TBL1XR1: variants seen among roughly 807,000 people sequenced by gnomAD.
TBL1XR1 encodes the protein F-box-like/WD repeat-containing protein TBL1XR1.
In TBL1XR1, 5 loss-of-function variants were observed where a neutral mutation model predicts 66.9. That is an observed-to-expected ratio of 0.07 (90% CI 0.04 to 0.16). The LOEUF (loss-of-function observed/expected upper bound fraction) is 0.16. Among genes scored for constraint, TBL1XR1 ranks in the 10% least tolerant of loss-of-function variants. TBL1XR1 has a pLI of 1.00. For missense variants in TBL1XR1, 238 were observed against 623.2 expected (o/e 0.38, Z 6.58); for synonymous variants, 210 against 206.0 (o/e 1.02, Z -0.17).
Position 177,138,992 on chromosome 3 carries a change from T to TACATACTGCA in TBL1XR1, c.-121-40461_-121-40452dup, listed in dbSNP as rs1206666398. Among the ~76,000 whole-genome samples the TACATACTGCA allele has an allele frequency of 2.0e-5, 3 of 152,016 alleles. No individual in the cohort carries two copies. In the East Asian group the frequency reaches 5.8e-4, roughly 29 times the overall value. ...AAGCCTCATAGAAAAAGAACCAATA[T>TACATACTGCA]ACATACTGCAACAGAAACATACTTT... is the stretch of plus-strand genomic sequence containing the variant. On this transcript the variant is annotated intron_variant, in intron 1 of 15. Coordinates refer to ENST00000457928, the MANE Select transcript of TBL1XR1 (RefSeq NM_024665.7).
intron 2 of TBL1XR1, among the ~76,000 whole-genome samples, chr3:177,084,526 C>A (rs1406550712): frequency 6.6e-6 from 1 of 152,234 alleles, no homozygotes; most frequent in African/African-American, 2.4e-5. Context: ...TTCCATTGTA[C>A]ACATACAGCA....
intron 1 of TBL1XR1, among the ~76,000 whole-genome samples, chr3:177,165,603 G>A (rs1560251018): frequency 6.6e-6 from 1 of 152,180 alleles, no homozygotes; most frequent in Admixed American, 6.5e-5. Flanking sequence ...TATGGTATTA[G>A]TGAAAGAACA....
chr3:177,134,518 A>T (rs1279505240), intron 1 of TBL1XR1, among the ~76,000 whole-genome samples: 1 of 152,234 alleles, frequency 6.6e-6, no homozygotes, highest in African/African-American at 2.4e-5. Flanking sequence ...GAAGCCAGAA[A>T]GTGAAAACAA....
At chr3:177,184,279 G>A (rs1735156203) in intron 1 of TBL1XR1, among the ~76,000 whole-genome samples, 1 of 152,136 alleles carries the variant, frequency 6.6e-6, no homozygotes, top group African/African-American at 2.4e-5. Context: ...TGTAAGTCAT[G>A]ACAGGATCGG....
At chr3:177,173,257 ATTTTCCATGC>A (rs1733775634) in intron 1 of TBL1XR1, among the ~76,000 whole-genome samples, 1 of 152,102 alleles carries the variant, frequency 6.6e-6, no homozygotes, top group East Asian at 1.9e-4. Flanking sequence ...ATGTCCACAA[ATTTTCCATGC>A]TTTTCCCTCT....
intron 2 of TBL1XR1, among the ~76,000 whole-genome samples, chr3:177,074,538 T>A (rs1720444416): frequency 6.6e-6 from 1 of 152,106 alleles, no homozygotes; most frequent in African/African-American, 2.4e-5. Flanking sequence ...ATTTCACTAA[T>A]TAACCTCTCT....
Position 177,170,045 on chromosome 3 carries a change from T to C in TBL1XR1, c.-122+27076A>G, listed in dbSNP as rs77970071. 6.8e-3 allele frequency among the ~76,000 whole-genome samples: 1,037 copies of C among 152,210 alleles called. 8 individuals carry two copies. Among genetic ancestry groups the C allele is most frequent in the Non-Finnish European group, 0.011 (758 of 68,008 alleles). On this transcript the variant is annotated intron_variant, in intron 1 of 15. Coordinates refer to ENST00000457928, the MANE Select transcript of TBL1XR1 (RefSeq NM_024665.7). ...TCCAGGTGATTCTGATGCACACAAA[T>C]CTGAGAACCACTATTCCACTGTTCC...
intron 12 of TBL1XR1, among the ~76,000 whole-genome samples, chr3:177,035,691 G>A (rs1447567035): frequency 1.3e-5 from 2 of 152,122 alleles, no homozygotes; most frequent in African/African-American, 4.8e-5. Flanking sequence ...TTTAATTATA[G>A]GCATGAGCTG....
chr3:177,072,881 T>C lies in TBL1XR1; in HGVS notation c.-45-7859A>G, dbSNP rs151115207. Among the ~76,000 whole-genome samples, 401 of 152,218 alleles carry C rather than the reference T, an allele frequency of 2.6e-3. 3 individuals carry two copies. The highest frequency in any genetic ancestry group is 9.2e-3 in the African/African-American group (383 of 41,546). On this transcript the variant is annotated intron_variant, in intron 2 of 15. Coordinates refer to ENST00000457928, the MANE Select transcript of TBL1XR1 (RefSeq NM_024665.7). ...GAGTTCGAGACCAGCCTGGCCAACA[T>C]GGCGAAACCCTGTCTCTATTAAAAA...
intron 2 of TBL1XR1, among the ~76,000 whole-genome samples, chr3:177,068,506 A>G (rs1330474661): frequency 6.6e-6 from 1 of 152,248 alleles, no homozygotes; most frequent in Non-Finnish European, 1.5e-5. Flanking sequence ...TTCAGCAAAT[A>G]TTACAAAAAC....
intron 1 of TBL1XR1, among the ~76,000 whole-genome samples, chr3:177,116,781 G>A (rs1288927535): frequency 6.6e-6 from 1 of 152,104 alleles, no homozygotes; most frequent in Admixed American, 6.5e-5. Flanking sequence ...AACTAAATGA[G>A]ATAATGCATT....
intron 3 of TBL1XR1, among the ~76,000 whole-genome samples, chr3:177,060,576 T>C (rs934372807): frequency 1.3e-5 from 2 of 152,208 alleles, no homozygotes; most frequent in African/African-American, 4.8e-5. Context: ...AAATGACATC[T>C]TCTTATAGAA....
At chr3:177,113,857 C>G (rs961334277) in intron 1 of TBL1XR1, among the ~76,000 whole-genome samples, 20 of 152,026 alleles carry the variant, frequency 1.3e-4, no homozygotes, top group Non-Finnish European at 2.2e-4. Context: ...AGACAAAAGA[C>G]AACAAGTGCT....
intron 1 of TBL1XR1, among the ~76,000 whole-genome samples, chr3:177,187,201 C>A (rs1187381851): frequency 1.3e-5 from 2 of 150,638 alleles, no homozygotes; most frequent in Non-Finnish European, 2.9e-5. Context: ...CGAGACCAAC[C>A]TGGCCAACAT....
At chr3:177,134,790 C>G (rs1018212675) in intron 1 of TBL1XR1, among the ~76,000 whole-genome samples, 2 of 152,078 alleles carry the variant, frequency 1.3e-5, no homozygotes, top group African/African-American at 2.4e-5. Context: ...TATATCTATA[C>G]GTCTCTAGTA....
chr3:177,062,751 T>A (rs1389443367), intron 3 of TBL1XR1, among the ~76,000 whole-genome samples: 1 of 151,654 alleles, frequency 6.6e-6, no homozygotes, highest in African/African-American at 2.4e-5. Context: ...ACCATACAAA[T>A]TTTTTTTTAA....
intron 1 of TBL1XR1, among the ~76,000 whole-genome samples, chr3:177,187,160 C>G (rs1269456028): frequency 2.6e-5 from 3 of 115,100 alleles, no homozygotes; most frequent in Non-Finnish European, 5.6e-5. Context: ...GAGCAAGACT[C>G]TGTCTCAAAA....
intron 1 of TBL1XR1, among the ~76,000 whole-genome samples, chr3:177,181,345 T>G (rs913513879): frequency 6.6e-6 from 1 of 151,884 alleles, no homozygotes; most frequent in African/African-American, 2.4e-5. Context: ...CCAGGTGTGG[T>G]GGCACACGCC....
intron 2 of TBL1XR1, among the ~76,000 whole-genome samples, chr3:177,076,801 T>C (rs1720758266): frequency 6.6e-6 from 1 of 152,264 alleles, no homozygotes. Context: ...CTGTAGAGGT[T>C]GAATGTATTA....
Sources: allele counts gnomAD v4.1 joint callset (sites outside exome capture counted in the v4.1 genomes callset), GRCh38; gene constraint gnomAD v4.1.1; transcripts MANE v1.5; gene names NCBI Gene and HGNC (gene_info 2026-07-23, HGNC 2026-07-21).